PLAAT1: variants seen among roughly 807,000 people sequenced by gnomAD.
PLAAT1 encodes the protein phospholipase A and acyltransferase 1, also known as H-REV107 protein-related protein.
In PLAAT1, 13 loss-of-function variants were observed where a neutral mutation model predicts 16.4. That is an observed-to-expected ratio of 0.79 (90% CI 0.52 to 1.26). The LOEUF (loss-of-function observed/expected upper bound fraction) is 1.26. Ranked by LOEUF, PLAAT1 falls within the 50% of genes most tolerant of loss-of-function variation. PLAAT1 has a pLI of 0.00. For missense variants in PLAAT1, 218 were observed against 207.8 expected (o/e 1.05, Z -0.30); for synonymous variants, 73 against 78.4 (o/e 0.93, Z 0.36).
At chr3:193,252,106 C>G (rs2108785268) in intron 1 of PLAAT1, among the ~76,000 whole-genome samples, 1 of 152,252 alleles carries the variant, frequency 6.6e-6, no homozygotes, top group Admixed American at 6.5e-5. Flanking sequence ...CTGGTATCTG[C>G]TTCTGGTGAG....
chr3:193,252,629 A>G (rs1265101341), intron 1 of PLAAT1, among the ~76,000 whole-genome samples: 1 of 152,084 alleles, frequency 6.6e-6, no homozygotes, highest in African/African-American at 2.4e-5. Context: ...CTCTTTGTCT[A>G]CCCTAGACCC....
At chr3:193,256,439 A>G (rs1716375743) in intron 2 of PLAAT1, among the ~76,000 whole-genome samples, 1 of 152,202 alleles carries the variant, frequency 6.6e-6, no homozygotes, top group African/African-American at 2.4e-5. Flanking sequence ...GAGATATAGT[A>G]TCCCAGGTCA....
chr3:193,253,964 C>T lies in PLAAT1; in HGVS notation c.1-1687C>T, dbSNP rs955558171. Among the ~76,000 whole-genome samples, 8 of 152,078 alleles carry T rather than the reference C, an allele frequency of 5.3e-5. No homozygotes were observed. The South Asian group carries it at 6.2e-4, about 12-fold the overall frequency. On this transcript the variant is annotated intron_variant, in intron 1 of 3. Coordinates refer to ENST00000264735, the MANE Select transcript of PLAAT1 (RefSeq NM_020386.5). ...ATTATTTTATACTTTGGCTGCATCT[C>T]GGAATCATAGCAGGCAGCTTTGTGT...
At chr3:193,265,970 TGAG>T (rs1044694267) in intron 3 of PLAAT1, among the ~76,000 whole-genome samples, 49 of 152,276 alleles carry the variant, frequency 3.2e-4, no homozygotes, top group East Asian at 2.1e-3. Flanking sequence ...TTTTTGGAAA[TGAG>T]GAGATGTTAG....
chr3:193,265,903 A>G (rs2108800741), intron 3 of PLAAT1, among the ~76,000 whole-genome samples: 1 of 152,228 alleles, frequency 6.6e-6, no homozygotes, highest in African/African-American at 2.4e-5. Context: ...CTTCTTTGTT[A>G]ATGACAAAGT....
At chr3:193,261,165 C>G (rs1459067753) in intron 2 of PLAAT1, among the ~76,000 whole-genome samples, 1 of 152,110 alleles carries the variant, frequency 6.6e-6, no homozygotes, top group Non-Finnish European at 1.5e-5. Context: ...GTCAGGAGTT[C>G]AAGACCAGCC....
chr3:193,242,324 T>C (rs1422160972), intron 1 of PLAAT1, among the ~76,000 whole-genome samples: 5 of 151,888 alleles, frequency 3.3e-5, no homozygotes, highest in African/African-American at 1.2e-4. Flanking sequence ...AGGAAGTGAA[T>C]GGGCCATTAG....
chr3:193,249,185 G>T (rs1178504924), intron 1 of PLAAT1, among the ~76,000 whole-genome samples: 1 of 151,976 alleles, frequency 6.6e-6, no homozygotes, highest in Non-Finnish European at 1.5e-5. Flanking sequence ...TCTGATGGGG[G>T]TCCCCTTTTA....
intron 3 of PLAAT1, among the ~76,000 whole-genome samples, chr3:193,267,067 C>T (rs1488560229): frequency 6.6e-6 from 1 of 152,036 alleles, no homozygotes; most frequent in Non-Finnish European, 1.5e-5. Context: ...TTTTCTAGAG[C>T]AGTTTTTAGC....
intron 1 of PLAAT1, among the ~76,000 whole-genome samples, chr3:193,254,244 A>G (rs1189204937): frequency 6.6e-6 from 1 of 152,180 alleles, no homozygotes; most frequent in African/African-American, 2.4e-5. Context: ...TGGCATACAA[A>G]CACTTGGGAA....
chr3:193,267,660 C>A (rs970989366), intron 3 of PLAAT1, among the ~76,000 whole-genome samples: 1 of 152,142 alleles, frequency 6.6e-6, no homozygotes, highest in Non-Finnish European at 1.5e-5. Flanking sequence ...ATGAATAAAG[C>A]CTCTATAAAC....
chr3:193,271,019 C>T (rs1393365182), downstream of PLAAT1, among the ~76,000 whole-genome samples: 1 of 152,184 alleles, frequency 6.6e-6, no homozygotes, highest in Admixed American at 6.5e-5. Flanking sequence ...CCAAGGGTGG[C>T]CATTTTGCCA....
chr3:193,269,382 A>G lies in PLAAT1; in HGVS notation c.406-1222A>G, dbSNP rs541341732. ...ACAATTACAGGCCTAGTCTCTGCCC[A>G]CCACAGGATGGTGTAGTGGAATGAA... is the stretch of plus-strand genomic sequence containing the variant. On this transcript the variant is annotated intron_variant, in intron 3 of 3. Transcript: ENST00000264735. Among the ~76,000 whole-genome samples the G allele has an allele frequency of 2.6e-5, 4 of 152,348 alleles. No homozygotes were observed. The South Asian group carries it at 8.3e-4, about 32-fold the overall frequency.
At chr3:193,262,865 A>G in intron 2 of PLAAT1, 105 bp from the exon 3 acceptor site, 1 of 1,139,344 alleles carries the variant, frequency 8.8e-7, no homozygotes, top group Non-Finnish European at 1.3e-6. Flanking sequence ...TAAGTTAGGA[A>G]CAGGGCTAGG....
chr3:193,241,601 C>T (rs2108772982), intron 1 of PLAAT1, 68 bp downstream of exon 1: 1 of 1,136,780 alleles, frequency 8.8e-7, no homozygotes, highest in South Asian at 4.5e-5. Context: ...AACCAACTGG[C>T]AAGTGGGAAA....
At chr3:193,266,410 A>G (rs1014475060) in intron 3 of PLAAT1, among the ~76,000 whole-genome samples, 2 of 152,220 alleles carry the variant, frequency 1.3e-5, no homozygotes, top group Non-Finnish European at 2.9e-5. Context: ...TATAACTTGC[A>G]ATCTATCATC....
At chr3:193,251,109 G>T (rs1011212966) in intron 1 of PLAAT1, among the ~76,000 whole-genome samples, 4 of 152,136 alleles carry the variant, frequency 2.6e-5, no homozygotes, top group African/African-American at 9.7e-5. Context: ...AAGCAAGCCA[G>T]GGAAAAAGAT....
intron 1 of PLAAT1, among the ~76,000 whole-genome samples, chr3:193,243,972 AC>A (rs2108776315): frequency 6.6e-6 from 1 of 152,280 alleles, no homozygotes; most frequent in African/African-American, 2.4e-5. Flanking sequence ...ATAGTGTGTG[AC>A]CCTTTGGCAT....
upstream of PLAAT1, chr3:193,241,118 C>CGGCGGGCG (rs3048407): frequency 1.9e-3 from 1,639 of 852,648 alleles, 5 homozygotes; most frequent in South Asian, 4.7e-3. Context: ...TGCAGTTCCC[C>CGGCGGGCG]GGCGGGCGGG....
Sources: gnomAD v4.1 joint callset for allele counts (sites outside exome capture counted in the v4.1 genomes callset) on GRCh38, gnomAD v4.1.1 for gene constraint, MANE v1.5 for transcripts, NCBI Gene and HGNC (gene_info 2026-07-23, HGNC 2026-07-21) for gene names.